SAMD12: variants seen among roughly 807,000 people sequenced by gnomAD.
The protein encoded by SAMD12 is sterile alpha motif domain containing 12, also known as sterile alpha motif domain-containing protein 12.
In SAMD12, 9 loss-of-function variants were observed where a neutral mutation model predicts 15.0. The observed-to-expected ratio is 0.60, with a 90% confidence interval of 0.36 to 1.05. The LOEUF is 1.05. Among genes scored for constraint, SAMD12 ranks in the 50% least tolerant of loss-of-function variants. SAMD12 has a pLI of 0.01. For missense variants in SAMD12, 230 were observed against 234.2 expected (o/e 0.98, Z 0.12); for synonymous variants, 86 against 90.1 (o/e 0.96, Z 0.25).
intron 3 of SAMD12, chr8:118,400,404 T>C (rs1198782448): frequency 3.3e-5 from 5 of 152,174 alleles, no homozygotes; most frequent in African/African-American, 7.2e-5. Context: ...TATATGACAC[T>C]GAACATGATT....
intron 3 of SAMD12, among the ~76,000 whole-genome samples, chr8:118,431,415 G>A (rs1335495705): frequency 2.0e-5 from 3 of 151,958 alleles, no homozygotes; most frequent in Admixed American, 6.6e-5. Flanking sequence ...CTACTTGCAG[G>A]GCAGTTTGCT....
chr8:118,165,903 G>T, the SAMD12 span, among the ~76,000 whole-genome samples: 2 of 151,686 alleles, frequency 1.3e-5, no homozygotes, highest in Non-Finnish European at 2.9e-5. Context: ...TTTGCCTTTG[G>T]ATTTGTCCTT....
At chr8:118,180,199 T>A in the SAMD12 span, among the ~76,000 whole-genome samples, 2 of 152,222 alleles carry the variant, frequency 1.3e-5, no homozygotes, top group South Asian at 2.1e-4. Context: ...TAGGATCAGC[T>A]GGAGAACTAG....
At chr8:118,504,018 T>TA (rs1824856755) in intron 2 of SAMD12, among the ~76,000 whole-genome samples, 1 of 152,196 alleles carries the variant, frequency 6.6e-6, no homozygotes, top group Non-Finnish European at 1.5e-5. Flanking sequence ...AGTAATAGCC[T>TA]GTGTCACATG....
the SAMD12 span, among the ~76,000 whole-genome samples, chr8:118,181,452 A>G: frequency 6.6e-6 from 1 of 152,208 alleles, no homozygotes; most frequent in African/African-American, 2.4e-5. Flanking sequence ...CACTTTCCCC[A>G]CAACAGGGCA....
At chr8:118,519,631 G>A (rs555499987) in intron 2 of SAMD12, among the ~76,000 whole-genome samples, 3 of 152,090 alleles carry the variant, frequency 2.0e-5, no homozygotes, top group African/African-American at 4.8e-5. Context: ...TTGGATGATC[G>A]TATCTTTGAG....
At chr8:118,542,818 G>T (rs909202091) in intron 2 of SAMD12, among the ~76,000 whole-genome samples, 3 of 152,146 alleles carry the variant, frequency 2.0e-5, no homozygotes, top group African/African-American at 7.2e-5. Flanking sequence ...ATAAAGAACA[G>T]AACCACGGAC....
chr8:118,450,291 C>T (rs1034155242), intron 2 of SAMD12, among the ~76,000 whole-genome samples: 1 of 152,166 alleles, frequency 6.6e-6, no homozygotes, highest in Non-Finnish European at 1.5e-5. Context: ...GACGTCCTGG[C>T]AGCCTGGATG....
At chr8:118,305,914 A>G (rs879363775) in intron 4 of SAMD12, among the ~76,000 whole-genome samples, 4 of 152,080 alleles carry the variant, frequency 2.6e-5, no homozygotes, top group Non-Finnish European at 5.9e-5. Flanking sequence ...CCCTCTCTAT[A>G]TATCACTTTG....
chr8:118,449,054 C>T (rs1822999256), intron 2 of SAMD12, among the ~76,000 whole-genome samples: 1 of 143,916 alleles, frequency 6.9e-6, no homozygotes, highest in East Asian at 2.0e-4. Context: ...AGCATGGACA[C>T]AGGCAGTCTT....
At chr8:118,597,779 G>A (rs146885888) in intron 1 of SAMD12, among the ~76,000 whole-genome samples, 8 of 152,238 alleles carry the variant, frequency 5.3e-5, no homozygotes, top group Non-Finnish European at 7.4e-5. Context: ...GTTGCTTCCC[G>A]GGCAAAGAGC....
chr8:118,361,955 T>C (rs1192850037), intron 4 of SAMD12, among the ~76,000 whole-genome samples: 2 of 152,218 alleles, frequency 1.3e-5, no homozygotes, highest in African/African-American at 2.4e-5. Context: ...GAGTGACATT[T>C]TCATTTAATT....
intron 4 of SAMD12, among the ~76,000 whole-genome samples, chr8:118,265,064 T>C (rs190414305): frequency 3.9e-5 from 6 of 152,272 alleles, no homozygotes; most frequent in South Asian, 2.1e-4. Context: ...CTTAGCACTA[T>C]CATCGCTACT....
chr8:118,596,529 C>T (rs1050149657), intron 1 of SAMD12, among the ~76,000 whole-genome samples: 2 of 152,192 alleles, frequency 1.3e-5, no homozygotes, highest in African/African-American at 4.8e-5. Flanking sequence ...GGCTCTTCCA[C>T]CTGCTGCTGA....
chr8:118,242,462 G>C (rs569335940), intron 4 of SAMD12, among the ~76,000 whole-genome samples: 2 of 152,134 alleles, frequency 1.3e-5, no homozygotes, highest in Admixed American at 6.6e-5. Flanking sequence ...TTTTCAGAGA[G>C]AGAGAGAGAT....
At chr8:118,589,252 C>T (rs980080601) in intron 1 of SAMD12, among the ~76,000 whole-genome samples, 1 of 152,168 alleles carries the variant, frequency 6.6e-6, no homozygotes, top group African/African-American at 2.4e-5. Flanking sequence ...GATGATGTGG[C>T]TGCCCAAGCT....
downstream of SAMD12, among the ~76,000 whole-genome samples, chr8:118,185,463 C>A (rs753157500): frequency 2.8e-4 from 42 of 152,132 alleles, no homozygotes; most frequent in African/African-American, 7.2e-4. Context: ...TTAGCTCCCA[C>A]TTATAAGTGA....
chr8:118,542,653 A>T lies in SAMD12; in HGVS notation c.192+38062T>A, dbSNP rs79320236. 7.0e-3 allele frequency among the ~76,000 whole-genome samples: 1,065 copies of T among 152,364 alleles called. 2 individuals are homozygous for T. Among genetic ancestry groups the T allele is most frequent in the Non-Finnish European group, 9.4e-3 (641 of 68,042 alleles). ...ATTTTATGACAATCACTTTTATGAG[A>T]TTATATATAACTAGATCCAAGTGAA... On this transcript the variant is annotated intron_variant, in intron 2 of 3. Coordinates refer to ENST00000314727, the MANE Select transcript of SAMD12 (RefSeq NM_207506.3).
intron 3 of SAMD12, among the ~76,000 whole-genome samples, chr8:118,416,652 A>G (rs1190358531): frequency 1.3e-5 from 2 of 152,216 alleles, no homozygotes; most frequent in Non-Finnish European, 2.9e-5. Flanking sequence ...GACCAGTATT[A>G]CTCACGATAA....
Sources: allele counts gnomAD v4.1 joint callset (sites outside exome capture counted in the v4.1 genomes callset), GRCh38; gene constraint gnomAD v4.1.1; transcripts MANE v1.5; gene names NCBI Gene and HGNC (gene_info 2026-07-23, HGNC 2026-07-21).